The following EXOC6B variants were observed in gnomAD, a reference collection of about 807,000 sequenced individuals.
The protein encoded by EXOC6B is SEC15 homolog B.
EXOC6B carries 54 observed loss-of-function variants against 113.5 expected under a neutral mutation model. That is an observed-to-expected ratio of 0.48 (90% CI 0.38 to 0.60). The LOEUF (loss-of-function observed/expected upper bound fraction) is 0.60. EXOC6B is among the 20% of genes least tolerant of loss of function. The probability of loss-of-function intolerance (pLI) is 0.00; values close to 1 mark genes in which losing one functional copy is unlikely to be tolerated. For synonymous variants in EXOC6B, 357 were observed against 339.0 expected, an observed-to-expected ratio of 1.05 and a Z score of -0.58; for missense variants, 797 against 977.5, an observed-to-expected ratio of 0.82 and a Z score of 2.46.
intron 20 of EXOC6B, among the ~76,000 whole-genome samples, chr2:72,246,594 G>A (rs1385091372): frequency 3.4e-5 from 5 of 147,370 alleles, no homozygotes; most frequent in Admixed American, 1.4e-4. Flanking sequence ...TGCAAGCTCC[G>A]CCTCCGAGGT....
At chr2:72,544,402 G>T (rs1046991660) in intron 8 of EXOC6B, among the ~76,000 whole-genome samples, 1 of 151,954 alleles carries the variant, frequency 6.6e-6, no homozygotes, top group Non-Finnish European at 1.5e-5. Flanking sequence ...AAACATGACG[G>T]ATTTTTTTTA....
chr2:72,605,098 G>A (rs200585411), intron 6 of EXOC6B, among the ~76,000 whole-genome samples: 1 of 151,938 alleles, frequency 6.6e-6, no homozygotes, highest in East Asian at 1.9e-4. Flanking sequence ...GCCTGGCCAA[G>A]ATGGTGAAAC....
intron 6 of EXOC6B, among the ~76,000 whole-genome samples, chr2:72,659,986 T>C (rs1573573810): frequency 6.6e-6 from 1 of 152,034 alleles, no homozygotes; most frequent in Non-Finnish European, 1.5e-5. Context: ...GTCTATCCCA[T>C]GGAGACAAGT....
intron 20 of EXOC6B, among the ~76,000 whole-genome samples, chr2:72,247,794 C>G (rs1381797302): frequency 6.6e-6 from 1 of 152,168 alleles, no homozygotes; most frequent in Non-Finnish European, 1.5e-5. Flanking sequence ...GTAGATTTTT[C>G]AAAGTGAATA....
intron 6 of EXOC6B, among the ~76,000 whole-genome samples, chr2:72,664,223 G>A (rs1232542320): frequency 6.6e-6 from 1 of 152,090 alleles, no homozygotes; most frequent in African/African-American, 2.4e-5. Flanking sequence ...TGCTCCCACT[G>A]AGAGACACCA....
intron 5 of EXOC6B, among the ~76,000 whole-genome samples, chr2:72,726,880 A>AT (rs1274571313): frequency 1.3e-5 from 2 of 152,178 alleles, no homozygotes; most frequent in Non-Finnish European, 2.9e-5. Flanking sequence ...GATCAAAAAT[A>AT]TTTTTTAAAA....
intron 6 of EXOC6B, among the ~76,000 whole-genome samples, chr2:72,640,009 G>A (rs901477684): frequency 3.3e-5 from 5 of 152,114 alleles, no homozygotes; most frequent in African/African-American, 4.8e-5. Flanking sequence ...GGTTCTGATC[G>A]GGGCTGAGAT....
intron 20 of EXOC6B, among the ~76,000 whole-genome samples, chr2:72,230,234 C>T (rs1010286354): frequency 2.0e-5 from 3 of 152,088 alleles, no homozygotes; most frequent in Non-Finnish European, 4.4e-5. Flanking sequence ...TCCTTCACTG[C>T]GGGACACTTA....
chr2:72,498,608 T>TTG, intron 12 of EXOC6B, 57 bp from the exon 13 acceptor site: 2 of 982,200 alleles, frequency 2.0e-6, no homozygotes, highest in Non-Finnish European at 2.8e-6. Context: ...TTTTTTCGGT[T>TTG]TTTTTTTTTT....
At chr2:72,398,014 AATTG>A (rs1347762536) in intron 18 of EXOC6B, among the ~76,000 whole-genome samples, 3 of 152,316 alleles carry the variant, frequency 2.0e-5, no homozygotes, top group East Asian at 3.9e-4. Context: ...TTATGTGTCA[AATTG>A]ATTGAGCCAC....
intron 20 of EXOC6B, among the ~76,000 whole-genome samples, chr2:72,188,430 T>C (rs1177157408): frequency 6.6e-6 from 1 of 152,232 alleles, no homozygotes; most frequent in Non-Finnish European, 1.5e-5. Flanking sequence ...TGGGTCCATG[T>C]TGCTTCCCAC....
intron 6 of EXOC6B, among the ~76,000 whole-genome samples, chr2:72,606,330 C>T (rs12996319): frequency 0.61 from 93,182 of 151,822 alleles, 34,815 homozygotes; most frequent in East Asian, 0.99. Flanking sequence ...TATACATATG[C>T]CATAAGTTAA....
intron 1 of EXOC6B, among the ~76,000 whole-genome samples, chr2:72,802,281 C>T (rs895684497): frequency 2.0e-5 from 3 of 150,582 alleles, no homozygotes; most frequent in Non-Finnish European, 4.4e-5. Flanking sequence ...GCCGAGATCA[C>T]ACCACTGCAC....
At chr2:72,818,275 G>C (rs529493034) in intron 1 of EXOC6B, among the ~76,000 whole-genome samples, 1 of 151,228 alleles carries the variant, frequency 6.6e-6, no homozygotes, top group African/African-American at 2.4e-5. Context: ...CTCCCAAGTA[G>C]CTGGGACTAC....
intron 8 of EXOC6B, among the ~76,000 whole-genome samples, chr2:72,533,655 G>A (rs1041844603): frequency 6.6e-6 from 1 of 152,072 alleles, no homozygotes; most frequent in Non-Finnish European, 1.5e-5. Context: ...ATATTAGAAG[G>A]TAGGGCATGA....
intron 6 of EXOC6B, among the ~76,000 whole-genome samples, chr2:72,580,582 G>A (rs1471959584): frequency 6.6e-6 from 1 of 152,066 alleles, no homozygotes; most frequent in African/African-American, 2.4e-5. Flanking sequence ...TTCTGTAATG[G>A]ACACCATTGG....
chr2:72,726,255 G>A (rs1246114122), intron 5 of EXOC6B, among the ~76,000 whole-genome samples: 2 of 152,090 alleles, frequency 1.3e-5, no homozygotes, highest in African/African-American at 4.8e-5. Flanking sequence ...CCTTTTTGGG[G>A]TAATGAAAAT....
At chr2:72,257,043 C>CCCCAT (rs1683394115) in intron 20 of EXOC6B, among the ~76,000 whole-genome samples, 1 of 152,092 alleles carries the variant, frequency 6.6e-6, no homozygotes, top group Admixed American at 6.5e-5. Flanking sequence ...AGGCTGACTC[C>CCCCAT]CTCATGCCCC....
intron 18 of EXOC6B, among the ~76,000 whole-genome samples, chr2:72,427,893 C>G (rs970467172): frequency 1.3e-5 from 2 of 152,172 alleles, no homozygotes; most frequent in African/African-American, 4.8e-5. Flanking sequence ...CTGAGGCCCA[C>G]AAAAGCTCTG....
Sources: gnomAD v4.1 joint callset for allele counts (sites outside exome capture counted in the v4.1 genomes callset) on GRCh38, gnomAD v4.1.1 for gene constraint, MANE v1.5 for transcripts, NCBI Gene and HGNC (gene_info 2026-07-23, HGNC 2026-07-21) for gene names.